Variants in TTLL6 observed in about 807,000 individuals in gnomAD.
TTLL6 encodes the protein tubulin polyglutamylase TTLL6.
In TTLL6, 75 loss-of-function variants were observed where a neutral mutation model predicts 96.4. The ratio of observed to expected loss-of-function variants is 0.78; its 90% CI spans 0.65 to 0.94. The LOEUF (loss-of-function observed/expected upper bound fraction) is 0.94. Among genes scored for constraint, TTLL6 ranks in the 40% least tolerant of loss-of-function variants. The pLI is 0.00. For synonymous variants in TTLL6, 411 were observed against 419.4 expected, an observed-to-expected ratio of 0.98 and a Z score of 0.24; for missense variants, 1,030 against 1,093.0, an observed-to-expected ratio of 0.94 and a Z score of 0.81.
At chr17:48,768,903 C>A (rs2038672486) in intron 15 of TTLL6, 86 bp downstream of exon 15, 1 of 1,378,630 alleles carries the variant, frequency 7.3e-7, no homozygotes, top group Non-Finnish European at 1.0e-6. Context: ...TCAATCCATC[C>A]ATCCTCCTAC....
chr17:48,805,030 C>T (rs1182622550), intron 1 of TTLL6, 39 bp from the exon 2 acceptor site: 2 of 1,487,234 alleles, frequency 1.3e-6, no homozygotes, highest in East Asian at 2.5e-5. Context: ...TACAGAGATC[C>T]ACCTGCAGGG....
At chr17:48,765,695 C>T (rs2038590265) in intron 15 of TTLL6, 1 of 152,210 alleles carries the variant, frequency 6.6e-6, no homozygotes, top group Non-Finnish European at 1.5e-5. Flanking sequence ...TGGTGGTCCC[C>T]AGCTCCTGGG....
intron 8 of TTLL6, among the ~76,000 whole-genome samples, chr17:48,792,822 T>G (rs1597986189): frequency 6.6e-6 from 1 of 152,176 alleles, no homozygotes; most frequent in East Asian, 1.9e-4. Flanking sequence ...TTTAAGCCAA[T>G]TTTTTTCAAG....
chr17:48,803,507 ACAG>A (rs1567734523), intron 3 of TTLL6, among the ~76,000 whole-genome samples: 1 of 151,564 alleles, frequency 6.6e-6, no homozygotes, highest in Non-Finnish European at 1.5e-5. Context: ...AAAAAAAAAA[ACAG>A]CAACAGCAAC....
chr17:48,766,105 C>A (rs2038598902), intron 15 of TTLL6, among the ~76,000 whole-genome samples: 1 of 152,176 alleles, frequency 6.6e-6, no homozygotes, highest in African/African-American at 2.4e-5. Flanking sequence ...GAGGTATTCA[C>A]CAAGATTCAA....
chr17:48,804,707 C>T (rs35337911), intron 2 of TTLL6, 65 bp downstream of exon 2: 3 of 1,378,260 alleles, frequency 2.2e-6, no homozygotes, highest in Non-Finnish European at 3.0e-6. Flanking sequence ...CCAAGACCCC[C>T]TTCCCTCCAA....
rs2039484386 is a variant in TTLL6 at position 48,804,949 on chromosome 17, A to G, written c.146T>C (p.Met49Thr). Residue 49 changes from methionine to threonine, a missense_variant, in exon 2 of 16, where the codon ATG becomes ACG. Physicochemically the swap from Met to Thr is moderately conservative, Grantham distance 81. Transcript: ENST00000393382. The part of the protein sequence containing the change: ...FPRASSQARE[M>T]PQCPTLESQE... The stretch of plus-strand genomic sequence containing the variant: ...GCTTTCCAAAGTCGGGCACTGTGGC[A>G]TCTCCCTGGCCTGGGAGGAGGCTCT... 1 of 1,551,556 alleles carries G rather than the reference A, an allele frequency of 6.4e-7. No individual in the cohort carries two copies. The highest frequency in any genetic ancestry group is 8.7e-7 in the Non-Finnish European group (1 of 1,146,968).
At chr17:48,778,144 G>C (rs1238341492) in intron 13 of TTLL6, among the ~76,000 whole-genome samples, 1 of 152,168 alleles carries the variant, frequency 6.6e-6, no homozygotes, top group East Asian at 1.9e-4. Flanking sequence ...GGGTGTGGTG[G>C]TGTGTACCTG....
At chr17:48,778,133 C>T (rs1231556601) in intron 13 of TTLL6, among the ~76,000 whole-genome samples, 2 of 151,578 alleles carry the variant, frequency 1.3e-5, no homozygotes, top group East Asian at 2.0e-4. Context: ...AAAAATTAGC[C>T]GGGTGTGGTG....
intron 1 of TTLL6, among the ~76,000 whole-genome samples, chr17:48,813,315 G>A (rs541570376): frequency 2.8e-5 from 4 of 144,542 alleles, no homozygotes; most frequent in African/African-American, 1.0e-4. Flanking sequence ...CAGCACTTTC[G>A]GAGGCCAAGG....
chr17:48,789,151 C>G (rs2039167420), intron 10 of TTLL6, among the ~76,000 whole-genome samples: 1 of 151,642 alleles, frequency 6.6e-6, no homozygotes, highest in African/African-American at 2.4e-5. Flanking sequence ...TGTTTTTATA[C>G]TGGTAATTCC....
At chr17:48,797,964 C>G (rs1160354134) in intron 6 of TTLL6, among the ~76,000 whole-genome samples, 1 of 151,918 alleles carries the variant, frequency 6.6e-6, no homozygotes, top group East Asian at 1.9e-4. Flanking sequence ...AAGAATTAGC[C>G]AAGTGTGGTG....
intron 12 of TTLL6, among the ~76,000 whole-genome samples, chr17:48,785,724 T>C (rs1241092762): frequency 6.6e-6 from 1 of 152,042 alleles, no homozygotes; most frequent in Non-Finnish European, 1.5e-5. Context: ...CGACATCCCA[T>C]GTAATGTTCT....
intron 13 of TTLL6, among the ~76,000 whole-genome samples, chr17:48,773,067 T>C (rs2038782233): frequency 6.6e-6 from 1 of 152,152 alleles, no homozygotes; most frequent in Non-Finnish European, 1.5e-5. Flanking sequence ...ATAATTGAAA[T>C]AAAAAATTCA....
chr17:48,804,752 C>G lies in TTLL6; in HGVS notation c.323+20G>C, dbSNP rs2143462190. On this transcript the variant is annotated intron_variant, in intron 2 of 15. Coordinates refer to ENST00000393382, the MANE Select transcript of TTLL6 (RefSeq NM_001130918.3). ...GTTATTACCAACATGGCTCCCCATT[C>G]CCCAGCTTTCAATCCTAACCTCTTT... is the stretch of plus-strand genomic sequence containing the variant. The G allele has an allele frequency of 6.5e-7, 1 of 1,549,050 alleles. No homozygotes were observed.
rs1487408551 is a variant in TTLL6 at position 48,786,331 on chromosome 17, G to A, written c.1594C>T (p.Leu532=). The change falls in exon 12 of 16, where the codon CTG becomes TTG. Residue 532 remains leucine (L), a synonymous_variant. Transcript: ENST00000393382. The stretch of plus-strand genomic sequence containing the variant: ...CGTTTTAGTCTCAGCTCCTGGATCA[G>A]TTGCCTGCCCATGAAGAACAAGTGA... The part of the protein sequence containing the change: ...SRAREEYARQ[L]IQELRLKREK... The A allele has an allele frequency of 1.9e-6, 3 of 1,614,210 alleles. No homozygotes were observed. In the Admixed American group the frequency reaches 5.0e-5, roughly 27 times the overall value.
At position 48,785,083 on chromosome 17, in the gene TTLL6, C is replaced by T; in HGVS notation, c.1880G>A (p.Ser627Asn). Residue 627 changes from serine (S) to asparagine (N), a missense_variant, in exon 13 of 16, where the codon AGC (serine) becomes AAC (asparagine). Physicochemically the swap from Ser to Asn is conservative, Grantham distance 46. Coordinates refer to ENST00000393382, the MANE Select transcript of TTLL6 (RefSeq NM_001130918.3). The part of the protein sequence containing the change: ...LNQEAPTEEA[S>N]SVFPKLTSAK... ...AGACGTCAGCTTGGGGAAAACAGAG[C>T]TGGCCTCCTCCGTGGGAGCCTCCTG... is the stretch of plus-strand genomic sequence containing the variant. The T allele has an allele frequency of 6.2e-7, 1 of 1,614,116 alleles. No individual in the cohort carries two copies. The highest frequency in any genetic ancestry group is 8.5e-7 in the Non-Finnish European group (1 of 1,179,996).
At chr17:48,764,311 C>CCT (rs1021328808) in intron 15 of TTLL6, among the ~76,000 whole-genome samples, 2 of 152,176 alleles carry the variant, frequency 1.3e-5, no homozygotes, top group African/African-American at 4.8e-5. Flanking sequence ...GGGCGCCATT[C>CCT]CTCACATGGG....
In TTLL6 at chr17:48,784,281, TGCAGTCC is replaced by T. The variant is rs577178614; in HGVS notation, c.2040+635_2040+641del. Among the ~76,000 whole-genome samples, 296 of 152,218 alleles carry T rather than the reference TGCAGTCC, an allele frequency of 1.9e-3. 1 individual carries two copies. Among genetic ancestry groups the T allele is most frequent in the African/African-American group, 6.9e-3 (287 of 41,536 alleles). On this transcript the variant is annotated intron_variant, in intron 13 of 15. Coordinates refer to ENST00000393382, the MANE Select transcript of TTLL6 (RefSeq NM_001130918.3). Reference sequence around the variant, plus strand: ...TTAGCCCGGCATGGTGGTGTGTGCCTGCAGTCCCAGCTACTTGGGAGGCCGAGGCGAG... The same window carrying T: ...TTAGCCCGGCATGGTGGTGTGTGCCTCAGCTACTTGGGAGGCCGAGGCGAG...
Sources: allele counts gnomAD v4.1 joint callset (sites outside exome capture counted in the v4.1 genomes callset), GRCh38; gene constraint gnomAD v4.1.1; transcripts MANE v1.5; gene names NCBI Gene and HGNC (gene_info 2026-07-23, HGNC 2026-07-21).